Variants in CDH13 observed in about 807,000 individuals in gnomAD.
The protein encoded by CDH13 is cadherin 13, also known as cadherin-13.
A neutral mutation model predicts 63.8 loss-of-function variants in CDH13; 24 were observed. The observed-to-expected ratio is 0.38, with a 90% CI of 0.27 to 0.53. The LOEUF is 0.53. Among genes scored for constraint, CDH13 ranks in the 20% least tolerant of loss-of-function variants. The probability of loss-of-function intolerance (pLI) is 0.85; values close to 1 mark genes in which losing one functional copy is unlikely to be tolerated. For synonymous variants in CDH13, 503 were observed against 355.3 expected (o/e 1.42, Z -4.67); for missense variants, 1,049 against 903.1 (o/e 1.16, Z -2.07).
intron 6 of CDH13, among the ~76,000 whole-genome samples, chr16:83,394,122 G>GA (rs1022430946): frequency 6.6e-6 from 1 of 151,524 alleles, no homozygotes; most frequent in Non-Finnish European, 1.5e-5. Context: ...GAGAGGAGCA[G>GA]AAAAAAATAA....
intron 10 of CDH13, chr16:83,725,475 C>G (rs1567553356): frequency 6.6e-6 from 1 of 152,478 alleles, no homozygotes; most frequent in East Asian, 1.9e-4. Context: ...CATCACCCAC[C>G]TTATCACATG....
intron 1 of CDH13, among the ~76,000 whole-genome samples, chr16:82,756,395 G>C (rs1421574801): frequency 6.6e-6 from 1 of 152,158 alleles, no homozygotes; most frequent in African/African-American, 2.4e-5. Flanking sequence ...GCCACCATTT[G>C]TGGATCACTT....
intron 1 of CDH13, among the ~76,000 whole-genome samples, chr16:82,761,979 A>G (rs1466587726): frequency 6.6e-6 from 1 of 152,252 alleles, no homozygotes; most frequent in Non-Finnish European, 1.5e-5. Context: ...CACAAAAGCT[A>G]AAAGACAAAG....
intron 10 of CDH13, among the ~76,000 whole-genome samples, chr16:83,694,404 G>A (rs1309550273): frequency 1.3e-5 from 2 of 152,182 alleles, no homozygotes; most frequent in African/African-American, 4.8e-5. Context: ...CCAAAAGAGG[G>A]GTTGGGATGC....
chr16:83,300,302 G>A (rs11648334), intron 5 of CDH13, among the ~76,000 whole-genome samples: 1 of 152,060 alleles, frequency 6.6e-6, no homozygotes, highest in Non-Finnish European at 1.5e-5. Flanking sequence ...TTACTTTTAA[G>A]TTGAGTGACA....
chr16:82,656,753 C>T (rs577941824), intron 1 of CDH13, among the ~76,000 whole-genome samples: 3 of 152,292 alleles, frequency 2.0e-5, no homozygotes, highest in Admixed American at 2.0e-4. Context: ...TCCCTTCTCC[C>T]TAACCCCTGG....
intron 10 of CDH13, among the ~76,000 whole-genome samples, chr16:83,741,461 C>T (rs1912052731): frequency 6.7e-6 from 1 of 148,852 alleles, no homozygotes; most frequent in African/African-American, 2.5e-5. Context: ...CATAGTCTTT[C>T]CTATCCTACT....
intron 1 of CDH13, among the ~76,000 whole-genome samples, chr16:82,733,184 C>T (rs2033490100): frequency 6.6e-6 from 1 of 152,168 alleles, no homozygotes; most frequent in South Asian, 2.1e-4. Flanking sequence ...CTCACATTGG[C>T]TGGCTTTACA....
chr16:83,425,020 G>GAGCTATT (rs1344405435), intron 6 of CDH13, among the ~76,000 whole-genome samples: 2 of 152,190 alleles, frequency 1.3e-5, no homozygotes, highest in African/African-American at 2.4e-5. Flanking sequence ...TAAATCCACA[G>GAGCTATT]AGCTATTCCT....
intron 8 of CDH13, among the ~76,000 whole-genome samples, chr16:83,627,223 G>A (rs1910392266): frequency 6.6e-6 from 1 of 152,106 alleles, no homozygotes; most frequent in Non-Finnish European, 1.5e-5. Flanking sequence ...CCAGGAGGCA[G>A]AGGTTGCAGT....
intron 7 of CDH13, among the ~76,000 whole-genome samples, chr16:83,506,270 A>G (rs191431428): frequency 1.7e-3 from 257 of 152,320 alleles, no homozygotes; most frequent in Middle Eastern, 0.014. Flanking sequence ...ATTTGGAGCC[A>G]CTGATCTCTC....
intron 1 of CDH13, among the ~76,000 whole-genome samples, chr16:82,837,778 C>T (rs964042272): frequency 1.3e-5 from 2 of 152,194 alleles, no homozygotes; most frequent in Admixed American, 6.5e-5. Context: ...TAGCAACATT[C>T]CTGACTCCCG....
intron 3 of CDH13, among the ~76,000 whole-genome samples, chr16:83,055,246 A>T (rs1164734400): frequency 2.6e-5 from 4 of 151,926 alleles, no homozygotes; most frequent in Non-Finnish European, 5.9e-5. Flanking sequence ...ATTTAACTCT[A>T]ATAAAATGGA....
intron 1 of CDH13, among the ~76,000 whole-genome samples, chr16:82,711,646 C>G (rs117734167): frequency 0.015 from 2,269 of 152,316 alleles, 18 homozygotes; most frequent in Non-Finnish European, 0.02. Flanking sequence ...GCTCCCCCAC[C>G]TTGTCCAGGG....
At chr16:83,790,771 C>T (rs1916210031) in intron 13 of CDH13, among the ~76,000 whole-genome samples, 1 of 152,190 alleles carries the variant, frequency 6.6e-6, no homozygotes, top group Non-Finnish European at 1.5e-5. Context: ...CTAGCACCCT[C>T]CCAGTGAGGC....
intron 1 of CDH13, among the ~76,000 whole-genome samples, chr16:82,695,431 A>T (rs1260752526): frequency 6.6e-6 from 1 of 152,092 alleles, no homozygotes; most frequent in Non-Finnish European, 1.5e-5. Flanking sequence ...TCTCCCTTCG[A>T]TCTGTTCCTA....
At chr16:83,238,452 C>T (rs1024173511) in intron 5 of CDH13, among the ~76,000 whole-genome samples, 1 of 152,208 alleles carries the variant, frequency 6.6e-6, no homozygotes, top group Non-Finnish European at 1.5e-5. Context: ...CCCACCAGGT[C>T]ACTCCCATGA....
At chr16:83,368,531 A>G (rs2091296537) in intron 6 of CDH13, among the ~76,000 whole-genome samples, 1 of 150,462 alleles carries the variant, frequency 6.6e-6, no homozygotes, top group Admixed American at 6.6e-5. Flanking sequence ...TTCTTTTTTT[A>G]TTTCAATAGG....
chr16:82,764,228 C>A (rs1232897587), intron 1 of CDH13, among the ~76,000 whole-genome samples: 1 of 152,180 alleles, frequency 6.6e-6, no homozygotes, highest in East Asian at 1.9e-4. Context: ...AGCATGACTG[C>A]AACTTTTGAA....
Sources: allele counts gnomAD v4.1 joint callset (sites outside exome capture counted in the v4.1 genomes callset), GRCh38; gene constraint gnomAD v4.1.1; transcripts MANE v1.5; gene names NCBI Gene and HGNC (gene_info 2026-07-23, HGNC 2026-07-21).